The following CSMD1 variants were observed in gnomAD, a reference collection of about 807,000 sequenced individuals.
The protein encoded by CSMD1 is CUB and sushi domain-containing protein 1.
Under a neutral mutation model 417.5 loss-of-function variants are expected in CSMD1, and 213 were observed. The observed-to-expected ratio is 0.51, with a 90% CI of 0.46 to 0.57. The LOEUF (loss-of-function observed/expected upper bound fraction) is 0.57. Among genes scored for constraint, CSMD1 ranks in the 20% least tolerant of loss-of-function variants. The pLI is 0.00. For missense variants in CSMD1, 6,923 were observed against 4,529.7 expected, an observed-to-expected ratio of 1.53 and a Z score of -15.17; for synonymous variants, 2,862 against 1,736.8, an observed-to-expected ratio of 1.65 and a Z score of -16.11.
At chr8:4,462,900 G>C (rs1019238606) in intron 2 of CSMD1, among the ~76,000 whole-genome samples, 1 of 152,108 alleles carries the variant, frequency 6.6e-6, no homozygotes, top group South Asian at 2.1e-4. Flanking sequence ...GTAACCTGAT[G>C]TTAAGCAAAG....
At chr8:3,147,653 T>A (rs570966579) in intron 40 of CSMD1, among the ~76,000 whole-genome samples, 2 of 152,332 alleles carry the variant, frequency 1.3e-5, no homozygotes, top group African/African-American at 2.4e-5. Context: ...TCCTTGTTAC[T>A]TAGTGTTGCA....
chr8:4,349,326 G>A (rs571058286), intron 3 of CSMD1, among the ~76,000 whole-genome samples: 1 of 152,306 alleles, frequency 6.6e-6, no homozygotes, highest in Admixed American at 6.5e-5. Flanking sequence ...GACCTCCACA[G>A]AATTGAGTAT....
intron 3 of CSMD1, among the ~76,000 whole-genome samples, chr8:4,129,934 T>C (rs1802994453): frequency 6.6e-6 from 1 of 152,160 alleles, no homozygotes; most frequent in Admixed American, 6.5e-5. Flanking sequence ...AATTATATAT[T>C]TAAGTTCTTA....
chr8:4,295,573 T>C (rs1291624439), intron 3 of CSMD1, among the ~76,000 whole-genome samples: 1 of 144,984 alleles, frequency 6.9e-6, no homozygotes, highest in Non-Finnish European at 1.5e-5. Flanking sequence ...GTCATCTTTT[T>C]AAGGGCTTAT....
At chr8:4,545,066 A>G (rs978925703) in intron 2 of CSMD1, among the ~76,000 whole-genome samples, 1 of 150,914 alleles carries the variant, frequency 6.6e-6, no homozygotes, top group African/African-American at 2.5e-5. Flanking sequence ...GTGTGCACAC[A>G]TATGTGTGTA....
chr8:3,001,801 C>A (rs1585125185), intron 52 of CSMD1, among the ~76,000 whole-genome samples: 1 of 152,210 alleles, frequency 6.6e-6, no homozygotes, highest in South Asian at 2.1e-4. Context: ...ACAGGGAACA[C>A]AACCAATGAT....
chr8:3,742,452 C>G (rs1796854906), intron 6 of CSMD1, among the ~76,000 whole-genome samples: 1 of 152,174 alleles, frequency 6.6e-6, no homozygotes, highest in African/African-American at 2.4e-5. Context: ...CTATCTAATG[C>G]TTACAATAGG....
At chr8:4,604,333 A>AAT (rs990562668) in intron 2 of CSMD1, among the ~76,000 whole-genome samples, 12 of 150,962 alleles carry the variant, frequency 7.9e-5, no homozygotes, top group African/African-American at 1.9e-4. Flanking sequence ...TTATATATAC[A>AAT]ATATATATAT....
intron 33 of CSMD1, among the ~76,000 whole-genome samples, chr8:3,194,233 C>G (rs1796576703): frequency 6.6e-6 from 1 of 152,064 alleles, no homozygotes; most frequent in Non-Finnish European, 1.5e-5. Flanking sequence ...CCATATAATT[C>G]ATGCCCTCTA....
At chr8:4,393,670 A>C (rs1026684829) in intron 3 of CSMD1, among the ~76,000 whole-genome samples, 1 of 152,080 alleles carries the variant, frequency 6.6e-6, no homozygotes, top group Non-Finnish European at 1.5e-5. Context: ...TCACCTTCAC[A>C]CTCCTATACT....
intron 5 of CSMD1, among the ~76,000 whole-genome samples, chr8:3,771,363 T>C (rs1798564333): frequency 6.6e-6 from 1 of 152,158 alleles, no homozygotes; most frequent in African/African-American, 2.4e-5. Flanking sequence ...TCAGACGGCA[T>C]TGCTTCACAC....
intron 1 of CSMD1, among the ~76,000 whole-genome samples, chr8:4,832,911 CT>C: frequency 6.6e-6 from 1 of 152,190 alleles, no homozygotes; most frequent in Middle Eastern, 3.4e-3. Flanking sequence ...CTCAAGCACT[CT>C]AAGTTTAGTA....
At chr8:4,005,316 G>C (rs577006866) in intron 4 of CSMD1, among the ~76,000 whole-genome samples, 6 of 152,228 alleles carry the variant, frequency 3.9e-5, no homozygotes, top group African/African-American at 9.6e-5. Flanking sequence ...AAAGTTTCAA[G>C]CCTACAGACA....
intron 7 of CSMD1, among the ~76,000 whole-genome samples, chr8:3,617,346 C>G (rs1240112910): frequency 6.6e-6 from 1 of 152,164 alleles, no homozygotes; most frequent in Admixed American, 6.5e-5. Context: ...AACTTTTCTC[C>G]TGTTGGGACT....
At chr8:4,328,310 C>A (rs1056523413) in intron 3 of CSMD1, among the ~76,000 whole-genome samples, 4 of 147,370 alleles carry the variant, frequency 2.7e-5, no homozygotes, top group African/African-American at 1.0e-4. Flanking sequence ...TTCCCCACGA[C>A]TCAGTTAAGT....
intron 26 of CSMD1, among the ~76,000 whole-genome samples, chr8:3,268,554 G>T (rs113656822): frequency 6.6e-6 from 1 of 151,908 alleles, no homozygotes; most frequent in Non-Finnish European, 1.5e-5. Context: ...CTAAAGTGCT[G>T]GGATTACAGG....
chr8:3,300,554 C>A (rs1447606167), intron 25 of CSMD1, among the ~76,000 whole-genome samples: 1 of 152,010 alleles, frequency 6.6e-6, no homozygotes, highest in East Asian at 1.9e-4. Context: ...ATGCTCACAC[C>A]CTTTGACCCA....
intron 39 of CSMD1, among the ~76,000 whole-genome samples, chr8:3,154,104 T>C (rs1324085870): frequency 1.3e-5 from 2 of 152,164 alleles, no homozygotes; most frequent in African/African-American, 4.8e-5. Flanking sequence ...GTAGCTGGGA[T>C]TACAGGCGCC....
chr8:4,930,366 C>T (rs80038645), intron 1 of CSMD1, among the ~76,000 whole-genome samples: 3,820 of 152,012 alleles, frequency 0.025, 150 homozygotes, highest in African/African-American at 0.086. Flanking sequence ...TTCATAGGTG[C>T]GCGCACACAC....
Sources: gnomAD v4.1 joint callset for allele counts (sites outside exome capture counted in the v4.1 genomes callset) on GRCh38, gnomAD v4.1.1 for gene constraint, MANE v1.5 for transcripts, NCBI Gene and HGNC (gene_info 2026-07-23, HGNC 2026-07-21) for gene names.